The following KCNQ1 variants were observed in gnomAD, a reference collection of about 807,000 sequenced individuals.
The protein encoded by KCNQ1 is potassium voltage-gated channel subfamily Q member 1.
KCNQ1 carries 49 observed loss-of-function variants against 72.4 expected under a neutral mutation model. The ratio of observed to expected loss-of-function variants is 0.68; its 90% CI spans 0.54 to 0.86. The LOEUF (loss-of-function observed/expected upper bound fraction) is 0.86. Among genes scored for constraint, KCNQ1 ranks in the 40% least tolerant of loss-of-function variants. The probability of loss-of-function intolerance (pLI) is 0.00; values close to 1 mark genes in which losing one functional copy is unlikely to be tolerated. For missense variants in KCNQ1, 790 were observed against 945.1 expected (o/e 0.84, Z 2.15); for synonymous variants, 450 against 412.6 (o/e 1.09, Z -1.10).
At position 2,547,699 on chromosome 11, in the gene KCNQ1, C is replaced by A. The variant is rs1847918593; in HGVS notation, c.477+19681C>A. Reference sequence around the variant, plus strand: ...AACAATAAGCTGACTCCATTTCCATCTTTTATAAGTTCAGACCCCCACAAC... The same window carrying A: ...AACAATAAGCTGACTCCATTTCCATATTTTATAAGTTCAGACCCCCACAAC... On this transcript the variant is annotated intron_variant, in intron 2 of 15. Coordinates refer to ENST00000155840, the MANE Select transcript of KCNQ1 (RefSeq NM_000218.3). The surrounding 1 kb of genome is among the most constrained non-coding windows in gnomAD (Gnocchi z 4.2). Among the ~76,000 whole-genome samples, 3 of 152,212 alleles carry A rather than the reference C, an allele frequency of 2.0e-5. No homozygotes were observed. The highest frequency in any genetic ancestry group is 4.4e-5 in the Non-Finnish European group (3 of 68,038).
In KCNQ1 at chr11:2,704,702, C is replaced by T. The variant is rs892994881; in HGVS notation, c.1514+42621C>T. 6.6e-6 allele frequency among the ~76,000 whole-genome samples: 1 copy of T among 152,178 alleles called. No individual in the cohort carries two copies. The highest frequency in any genetic ancestry group is 1.5e-5 in the Non-Finnish European group (1 of 68,034). The stretch of plus-strand genomic sequence containing the variant: ...AGAGAGATGGGAGGGTTGGAGAAAG[C>T]GAGCATCTGTGGAGGTGTGAGAAGT... On this transcript the variant is annotated intron_variant, in intron 11 of 15. Coordinates refer to ENST00000155840, the MANE Select transcript of KCNQ1 (RefSeq NM_000218.3). The surrounding 1 kb of genome is among the most constrained non-coding windows in gnomAD (Gnocchi z 4.3).
chr11:2,704,561 G>A lies in KCNQ1; in HGVS notation c.1514+42480G>A, dbSNP rs561796043. ...TCTAGGAGGTTTTGGGCAAGGCAGT[G>A]CCAAGGATCAGATCTCCCTTCTAGA... On this transcript the variant is annotated intron_variant, in intron 11 of 15. Coordinates refer to ENST00000155840, the MANE Select transcript of KCNQ1 (RefSeq NM_000218.3). This position sits in a 1 kb window ranked among gnomAD's most constrained non-coding sequence, Gnocchi z 4.3. Among the ~76,000 whole-genome samples, 1 of 152,212 alleles carries A rather than the reference G, an allele frequency of 6.6e-6. No homozygotes were observed. Among genetic ancestry groups the A allele is most frequent in the Non-Finnish European group, 1.5e-5 (1 of 68,032 alleles).
Position 2,841,582 on chromosome 11 carries a change from G to A in KCNQ1, c.1795-6185G>A, listed in dbSNP as rs115052873. 1.9e-3 allele frequency among the ~76,000 whole-genome samples: 296 copies of A among 152,326 alleles called. 2 individuals are homozygous for A. Among genetic ancestry groups the A allele is most frequent in the African/African-American group, 6.7e-3 (279 of 41,580 alleles). On this transcript the variant is annotated intron_variant, in intron 15 of 15. Coordinates refer to ENST00000155840, the MANE Select transcript of KCNQ1 (RefSeq NM_000218.3). ...GCCCTGTGGATACAGGATTCGGGCC[G>A]GCTTGGGAGGAATCTGAGCTCCCGC...
At chr11:2,506,686 A>G (rs1847110358) in intron 1 of KCNQ1, among the ~76,000 whole-genome samples, 1 of 152,250 alleles carries the variant, frequency 6.6e-6, no homozygotes, top group Non-Finnish European at 1.5e-5. Context: ...ATTTCCCTGC[A>G]GAACGGTTGC....
chr11:2,691,620 T>C lies in KCNQ1; in HGVS notation c.1514+29539T>C. The C allele has an allele frequency of 2.5e-6, 1 of 398,538 alleles. No individual in the cohort carries two copies. The highest frequency in any genetic ancestry group is 4.4e-6 in the Non-Finnish European group (1 of 226,044). 24.7% of individuals were successfully genotyped at this position (398,538 alleles called of 1,614,324 possible). A position where few individuals can be genotyped will look rare whatever the true frequency, so the allele number is the denominator to read the frequency against. The stretch of plus-strand genomic sequence containing the variant: ...GTCAACCTAGCTTGTTCCCTGCACG[T>C]ACTGTGGGGAGGTCCTCTTTACCGC... On this transcript the variant is annotated intron_variant, in intron 11 of 15. Transcript: ENST00000155840. The surrounding 1 kb of genome is among the most constrained non-coding windows in gnomAD (Gnocchi z 6.4).
At position 2,668,687 on chromosome 11, in the gene KCNQ1, TACAC is replaced by T. The variant is rs1308282822; in HGVS notation, c.1514+6611_1514+6614del. The stretch of plus-strand genomic sequence containing the variant: ...TGGAGTCATTTGTCAGAGAGAGAGA[TACAC>T]ACACTCACACTCTCTCACAGACACA... On this transcript the variant is annotated intron_variant, in intron 11 of 15. Transcript: ENST00000155840. The surrounding 1 kb of genome is among the most constrained non-coding windows in gnomAD (Gnocchi z 4.3). 2.5e-6 allele frequency: 1 copy of T among 398,406 alleles called. No individual in the cohort carries two copies. Among genetic ancestry groups the T allele is most frequent in the Non-Finnish European group, 4.4e-6 (1 of 226,052 alleles). 24.7% of individuals were successfully genotyped at this position (398,406 alleles called of 1,614,324 possible). A position where few individuals can be genotyped will look rare whatever the true frequency, so the allele number is the denominator to read the frequency against.
Position 2,588,734 on chromosome 11 carries a change from C to G in KCNQ1, c.1273C>G (p.Leu425Val), listed in dbSNP as rs1249315061. The change falls in exon 10 of 16, where the codon CTG becomes GTG. Residue 425 changes from leucine (L) to valine (V), a missense_variant. By Grantham distance (32) the Leu-to-Val change is conservative. Coordinates refer to ENST00000155840, the MANE Select transcript of KCNQ1 (RefSeq NM_000218.3). The surrounding 1 kb of genome is among the most constrained non-coding windows in gnomAD (Gnocchi z 5.6). The part of the protein sequence containing the change: ...SVVVKKKKFK[L>V]DKDNGVTPGE... ...TTAGGTAAAGAAAAAAAAGTTCAAG[C>G]TGGACAAAGACAATGGGGTGACTCC... The G allele has an allele frequency of 2.5e-6, 4 of 1,613,740 alleles. No homozygotes were observed. In the African/African-American group the frequency reaches 4.0e-5, roughly 16 times the overall value.
chr11:2,739,399 C>T (rs1383698446), intron 11 of KCNQ1, among the ~76,000 whole-genome samples: 1 of 152,238 alleles, frequency 6.6e-6, no homozygotes, highest in African/African-American at 2.4e-5. Context: ...TCTGTGGTTC[C>T]CAGCCATTTG....
chr11:2,451,359 T>A lies in KCNQ1; in HGVS notation c.386+5875T>A, dbSNP rs915455231. 3.9e-5 allele frequency among the ~76,000 whole-genome samples: 6 copies of A among 152,026 alleles called. No homozygotes were observed. Among genetic ancestry groups the A allele is most frequent in the Non-Finnish European group, 5.9e-5 (4 of 68,008 alleles). On this transcript the variant is annotated intron_variant, in intron 1 of 15. Transcript: ENST00000155840. This position sits in a 1 kb window ranked among gnomAD's most constrained non-coding sequence, Gnocchi z 6.4. ...ATGCCACCGCTGATCCAACAGGAGG[T>A]AGAGCTCAGGTGGCCGTGCACATTC...
At position 2,472,358 on chromosome 11, in the gene KCNQ1, G is replaced by A. The variant is rs975758422; in HGVS notation, c.386+26874G>A. 3.3e-5 allele frequency among the ~76,000 whole-genome samples: 5 copies of A among 151,818 alleles called. No homozygotes were observed. In the East Asian group the frequency reaches 7.7e-4, roughly 23 times the overall value. ...CATGTCTGTGTGTGTTTGTGGGTGT[G>A]TGTGTACCTATGTCTGTATAGGTGT... On this transcript the variant is annotated intron_variant, in intron 1 of 15. Transcript: ENST00000155840.
In KCNQ1 at chr11:2,549,456, A is replaced by G. The variant is rs570406480; in HGVS notation, c.478-21172A>G. On this transcript the variant is annotated intron_variant, in intron 2 of 15. Coordinates refer to ENST00000155840, the MANE Select transcript of KCNQ1 (RefSeq NM_000218.3). The surrounding 1 kb of genome is among the most constrained non-coding windows in gnomAD (Gnocchi z 6.2). The stretch of plus-strand genomic sequence containing the variant: ...GCCTCAGATTTTCTACCTCAAAGCG[A>G]TGGAACCCAGAAGACATGGGGCCCT... Among the ~76,000 whole-genome samples, 3 of 152,260 alleles carry G rather than the reference A, an allele frequency of 2.0e-5. No homozygotes were observed. The highest frequency in any genetic ancestry group is 1.3e-4 in the Admixed American group (2 of 15,308).
chr11:2,468,092 C>T lies in KCNQ1; in HGVS notation c.386+22608C>T, dbSNP rs547264326. Among the ~76,000 whole-genome samples the T allele has an allele frequency of 6.6e-6, 1 of 152,378 alleles. No individual in the cohort carries two copies. Among genetic ancestry groups the T allele is most frequent in the South Asian group, 2.1e-4 (1 of 4,832 alleles). ...GTGCTTAGACTGTGCCCGGAAAATG[C>T]ACTGTCTCTCCTGGGCTCCCAACCT... On this transcript the variant is annotated intron_variant, in intron 1 of 15. Transcript: ENST00000155840. The surrounding 1 kb of genome is among the most constrained non-coding windows in gnomAD (Gnocchi z 5.7).
intron 15 of KCNQ1, among the ~76,000 whole-genome samples, chr11:2,846,782 G>C (rs973930593): frequency 1.3e-5 from 2 of 152,260 alleles, no homozygotes; most frequent in African/African-American, 4.8e-5. Context: ...AGATCACCTG[G>C]CTGTCCACTC....
chr11:2,532,551 AC>A lies in KCNQ1; in HGVS notation c.477+4534del, dbSNP rs1316542465. Among the ~76,000 whole-genome samples, 6 of 152,312 alleles carry A rather than the reference AC, an allele frequency of 3.9e-5. No homozygotes were observed. The East Asian group carries it at 1.2e-3, about 29-fold the overall frequency. ...TGAGGCAGCCGTGGGCCTGGCCTTGACAGGCGGATGTACAGACACATCAGGG... is the reference window on the plus strand; with the variant it reads ...TGAGGCAGCCGTGGGCCTGGCCTTGAAGGCGGATGTACAGACACATCAGGG... On this transcript the variant is annotated intron_variant, in intron 2 of 15. Coordinates refer to ENST00000155840, the MANE Select transcript of KCNQ1 (RefSeq NM_000218.3).
chr11:2,637,566 T>A (rs1337375385), intron 10 of KCNQ1: 1 of 152,236 alleles, frequency 6.6e-6, no homozygotes, highest in Non-Finnish European at 1.5e-5. Flanking sequence ...TTATAGTTTC[T>A]GTTCTTTTAC....
chr11:2,836,738 C>A (rs1265492606), intron 15 of KCNQ1, among the ~76,000 whole-genome samples: 2 of 152,206 alleles, frequency 1.3e-5, no homozygotes, highest in African/African-American at 2.4e-5. Context: ...TCACGCCTCG[C>A]CTCACTCGTG....
chr11:2,520,618 G>A (rs973124740), intron 1 of KCNQ1, among the ~76,000 whole-genome samples: 4 of 152,080 alleles, frequency 2.6e-5, no homozygotes, highest in Admixed American at 6.5e-5. Context: ...GCCCCTGGGC[G>A]TCCACATCCC....
At chr11:2,736,433 T>C (rs1845957504) in intron 11 of KCNQ1, among the ~76,000 whole-genome samples, 2 of 152,026 alleles carry the variant, frequency 1.3e-5, no homozygotes, top group Non-Finnish European at 1.5e-5. Flanking sequence ...TTGTGACCAG[T>C]GGGCTTGGGA....
At chr11:2,662,541 T>C (rs1185998891) in intron 11 of KCNQ1, 2 of 428,054 alleles carry the variant, frequency 4.7e-6, no homozygotes. Flanking sequence ...TTTCCACGCC[T>C]TCCAGTTGGC....
Sources: gnomAD v4.1 joint callset for allele counts (sites outside exome capture counted in the v4.1 genomes callset) on GRCh38, gnomAD v4.1.1 for gene constraint, Gnocchi (gnomAD v3.1) non-coding constraint, MANE v1.5 for transcripts, NCBI Gene and HGNC (gene_info 2026-07-23, HGNC 2026-07-21) for gene names.